The following PRRC2C variants were observed in gnomAD, a reference collection of about 807,000 sequenced individuals.
PRRC2C encodes the protein protein PRRC2C.
A neutral mutation model predicts 317.2 loss-of-function variants in PRRC2C; 72 were observed. The ratio of observed to expected loss-of-function variants is 0.23; its 90% CI spans 0.19 to 0.28. The LOEUF is 0.28. Ranked by LOEUF, PRRC2C falls within the 10% of genes least tolerant of loss-of-function variation. PRRC2C has a pLI of 1.00. For missense variants in PRRC2C, 3,074 were observed against 3,459.7 expected (o/e 0.89, Z 2.80); for synonymous variants, 1,296 against 1,205.9 (o/e 1.07, Z -1.55).
chr1:171,558,146 A>G lies in PRRC2C; in HGVS notation c.6031+3A>G. The G allele has an allele frequency of 6.2e-7, 1 of 1,605,546 alleles. No individual in the cohort carries two copies. The highest frequency in any genetic ancestry group is 1.1e-5 in the South Asian group (1 of 90,206). On this transcript the variant is annotated splice_donor_region_variant and intron_variant, in intron 19 of 34. Coordinates refer to ENST00000647382, the MANE Select transcript of PRRC2C (RefSeq NM_001387844.1). ...GCTGAATGATATCTCTAAGAAATGT[A>G]AGTTGCAAAAGAGAAGTGAGGGGTG...
rs543991220 is a variant in PRRC2C at position 171,568,103 on chromosome 1, T to G, written c.6559-144T>G. ...CAGTGACTCAGGCACAAGAATCACT[T>G]GAGCCTGGAAGGCAGAGGTTGCAGT... On this transcript the variant is annotated intron_variant, in intron 22 of 34. Transcript: ENST00000647382. 170 of 1,235,018 alleles carry G rather than the reference T, an allele frequency of 1.4e-4. 2 individuals are homozygous for G. The Middle Eastern group carries it at 2.2e-3, about 16-fold the overall frequency. The allele number at this position is 1,235,018 out of a possible 1,614,324, so 76.5% of individuals were successfully genotyped here.
At chr1:171,506,088 G>C (rs1270727019) in intron 1 of PRRC2C, among the ~76,000 whole-genome samples, 2 of 152,086 alleles carry the variant, frequency 1.3e-5, no homozygotes, top group African/African-American at 4.8e-5. Context: ...GTAGAGCCAG[G>C]GTTTCACCAT....
At chr1:171,497,720 T>C (rs1668381451) in intron 1 of PRRC2C, among the ~76,000 whole-genome samples, 1 of 152,068 alleles carries the variant, frequency 6.6e-6, no homozygotes, top group African/African-American at 2.4e-5. Flanking sequence ...CCTCCCACCT[T>C]CGCCTTTCAA....
chr1:171,540,414 C>G lies in PRRC2C; in HGVS notation c.2948C>G (p.Pro983Arg). 2 of 1,613,066 alleles carry G rather than the reference C, an allele frequency of 1.2e-6. No homozygotes were observed. Residue 983 changes from proline (P) to arginine (R), a missense_variant, in exon 16 of 35, where the codon CCT (proline) becomes CGT (arginine). By Grantham distance (103) the Pro-to-Arg change is moderately radical. Transcript: ENST00000647382. ...GFIRSSEGPK[P>R]EKVYKSKSET... ...ATACGATCTTCTGAAGGACCAAAAC[C>G]TGAAAAAGTATATAAATCTAAATCA...
intron 22 of PRRC2C, among the ~76,000 whole-genome samples, chr1:171,567,326 C>G (rs544251069): frequency 6.6e-6 from 1 of 151,970 alleles, no homozygotes; most frequent in Non-Finnish European, 1.5e-5. Context: ...TTGAATGAAA[C>G]GTGTATCTAA....
rs148711189 is a variant in PRRC2C at position 171,576,910 on chromosome 1, T to C, written c.6956-524T>C. ...TACAATGTTCCCCAGGCTGGTCTTA[T>C]ACTCCTGGCCTCAACATGTGCCAGT... On this transcript the variant is annotated intron_variant, in intron 25 of 34. Coordinates refer to ENST00000647382, the MANE Select transcript of PRRC2C (RefSeq NM_001387844.1). Among the ~76,000 whole-genome samples, 1,479 of 152,258 alleles carry C rather than the reference T, an allele frequency of 9.7e-3. 13 individuals carry two copies. The highest frequency in any genetic ancestry group is 0.013 in the Non-Finnish European group (903 of 68,004).
chr1:171,555,030 TCTC>T (rs1681079524), intron 18 of PRRC2C, among the ~76,000 whole-genome samples: 1 of 152,238 alleles, frequency 6.6e-6, no homozygotes, highest in Admixed American at 6.5e-5. Flanking sequence ...TTGGGGAAGT[TCTC>T]CTGGATAATA....
intron 17 of PRRC2C, 21 bp downstream of exon 17, chr1:171,545,708 A>ATTTT (rs780336492): frequency 3.6e-5 from 32 of 891,384 alleles, no homozygotes; most frequent in African/African-American, 1.1e-4. Context: ...GGTTTCTTTC[A>ATTTT]TTTTATTTAT....
chr1:171,559,670 C>T (rs1275461238), intron 19 of PRRC2C, among the ~76,000 whole-genome samples: 6 of 152,042 alleles, frequency 3.9e-5, no homozygotes, highest in African/African-American at 9.6e-5. Context: ...TACAGGCACA[C>T]GTCACCATGC....
At position 171,517,775 on chromosome 1, in the gene PRRC2C, T is replaced by A; in HGVS notation, c.711T>A (p.Ala237=). The A allele has an allele frequency of 6.2e-7, 1 of 1,613,640 alleles. No homozygotes were observed. The highest frequency in any genetic ancestry group is 8.5e-7 in the Non-Finnish European group (1 of 1,179,878). The part of the protein sequence containing the change: ...PPQAKLNGQQ[A]ALASQYRAMM... Reference sequence around the variant, plus strand: ...AGGCTAAACTGAATGGACAGCAGGCTGCTCTCGCTTCCCAGTATAGAGCTA... The same window carrying A: ...AGGCTAAACTGAATGGACAGCAGGCAGCTCTCGCTTCCCAGTATAGAGCTA... Residue 237 remains alanine (A), a synonymous_variant, in exon 6 of 35, where the codon GCT becomes GCA. Transcript: ENST00000647382.
chr1:171,539,813 G>A (rs958442780), intron 15 of PRRC2C, among the ~76,000 whole-genome samples, 158 bp from the exon 16 acceptor site: 2 of 152,084 alleles, frequency 1.3e-5, no homozygotes, highest in Non-Finnish European at 2.9e-5. Context: ...CTTGGCTATT[G>A]TGAGTAATTC....
intron 18 of PRRC2C, among the ~76,000 whole-genome samples, chr1:171,556,157 G>A (rs1681349441): frequency 6.6e-6 from 1 of 152,210 alleles, no homozygotes; most frequent in Admixed American, 6.5e-5. Context: ...CAGCCAGGCT[G>A]CCACCTTGCA....
In PRRC2C at chr1:171,522,204, T is replaced by C; in HGVS notation, c.778T>C (p.Tyr260His). 6.3e-7 allele frequency: 1 copy of C among 1,594,442 alleles called. No homozygotes were observed. Among genetic ancestry groups the C allele is most frequent in the South Asian group, 1.1e-5 (1 of 88,918 alleles). The change falls in exon 7 of 35, where the codon TAT (tyrosine) becomes CAT (histidine). Residue 260 changes from tyrosine (Y) to histidine (H), a missense_variant. By Grantham distance (83) the Tyr-to-His change is moderately conservative (BLOSUM62 2). This residue lies in a region of PRRC2C where 237 missense variants were observed against 199.5 expected (regional missense o/e 1.19). Coordinates refer to ENST00000647382, the MANE Select transcript of PRRC2C (RefSeq NM_001387844.1). Reference protein sequence around the residue: ...YMFQQYPRMTYPPLHGPMRFP... With the variant: ...YMFQQYPRMTHPPLHGPMRFP... ...GTTCCAACAGTATCCGAGGATGACA[T>C]ATCCTCCTCTACATGGTCCCATGAG...
intron 2 of PRRC2C, 90 bp from the exon 3 acceptor site, chr1:171,512,905 A>C: frequency 8.4e-7 from 1 of 1,189,982 alleles, no homozygotes; most frequent in Non-Finnish European, 1.2e-6. Context: ...CAGGGATTGC[A>C]TTAATTCCTA....
At chr1:171,549,805 G>A (rs1266437254) in intron 17 of PRRC2C, among the ~76,000 whole-genome samples, 7 of 152,106 alleles carry the variant, frequency 4.6e-5, no homozygotes, top group African/African-American at 1.7e-4. Flanking sequence ...CAAGCAGTAT[G>A]CCCATCTCGG....
In PRRC2C at chr1:171,545,625, G is replaced by A. The variant is rs200996310; in HGVS notation, c.4910G>A (p.Gly1637Asp). 3 of 1,612,702 alleles carry A rather than the reference G, an allele frequency of 1.9e-6. No individual in the cohort carries two copies. The highest frequency in any genetic ancestry group is 1.3e-5 in the African/African-American group (1 of 74,806). ...AAAAAAAGAGAAGACCCCAAACCAG[G>A]CCCTAAAAAACCAAAAGAGAAAGTG... Reference protein sequence around the residue: ...TGKKREDPKPGPKKPKEKVDA... With the variant: ...TGKKREDPKPDPKKPKEKVDA... Residue 1637 changes from glycine to aspartate, a missense_variant, in exon 17 of 35, where the codon GGC becomes GAC. This residue lies in a region of PRRC2C where 178 missense variants were observed against 163.0 expected (regional missense o/e 1.09). Transcript: ENST00000647382.
chr1:171,557,193 C>G, intron 18 of PRRC2C, 47 bp from the exon 19 acceptor site: 1 of 1,493,158 alleles, frequency 6.7e-7, no homozygotes, highest in South Asian at 1.4e-5. Context: ...TGAACTGTTG[C>G]ATTCAGCTGC....
At chr1:171,516,714 G>A (rs147963160) in intron 5 of PRRC2C, among the ~76,000 whole-genome samples, 1 of 152,288 alleles carries the variant, frequency 6.6e-6, no homozygotes, top group Non-Finnish European at 1.5e-5. Flanking sequence ...TTGAGGTTCT[G>A]GCCAAGGGAC....
chr1:171,588,508 G>A lies in PRRC2C; in HGVS notation c.8199+3G>A, dbSNP rs1650567300. 2.5e-6 allele frequency: 4 copies of A among 1,612,794 alleles called. No homozygotes were observed. The highest frequency in any genetic ancestry group is 3.4e-6 in the Non-Finnish European group (4 of 1,179,226). ...TTCCTACACAGTTTGCACCCCAGGT[G>A]GGCAGACATAATTAAGAAATGAGTA... On this transcript the variant is annotated splice_donor_region_variant and intron_variant, in intron 33 of 34. Transcript: ENST00000647382.
Sources: allele counts gnomAD v4.1 joint callset (sites outside exome capture counted in the v4.1 genomes callset), GRCh38; gene constraint gnomAD v4.1.1; regional missense constraint gnomAD v4.1.1; transcripts MANE v1.5; gene names NCBI Gene and HGNC (gene_info 2026-07-23, HGNC 2026-07-21).